GAPVD1: variants seen among roughly 807,000 people sequenced by gnomAD.
GAPVD1 encodes the protein GTPase-activating protein and VPS9 domain-containing protein 1.
GAPVD1 carries 35 observed loss-of-function variants against 155.5 expected under a neutral mutation model. That is an observed-to-expected ratio of 0.23 (90% CI 0.17 to 0.30). The LOEUF (loss-of-function observed/expected upper bound fraction) is 0.30, where lower values mean the gene tolerates loss of function less well. GAPVD1 is among the 10% of genes least tolerant of loss of function. The pLI is 1.00. For missense variants in GAPVD1, 1,429 were observed against 1,775.7 expected (o/e 0.80, Z 3.51); for synonymous variants, 636 against 619.7 (o/e 1.03, Z -0.39).
At chr9:125,293,852 TTA>T (rs1161661604) in intron 2 of GAPVD1, among the ~76,000 whole-genome samples, 628 of 34,778 alleles carry the variant, frequency 0.018, 1 homozygote, top group Non-Finnish European at 0.021. Context: ...AAAATATATT[TTA>T]TATATATATA....
rs542570313 is a variant in GAPVD1, at chr9:125,263,527, T to G, written c.-199+1568T>G. On this transcript the variant is annotated intron_variant, in intron 1 of 27. Transcript: ENST00000297933. ...TTATAAGTCTACTTAGAAGAACTGT[T>G]GTTTTTTTTTTTTTGGTTGTAAGTT... The G allele has an allele frequency of 3.0e-5, 25 of 840,472 alleles. No homozygotes were observed. The African/African-American group carries it at 3.4e-4, about 12-fold the overall frequency. 52.1% of individuals were successfully genotyped at this position (840,472 alleles called of 1,614,324 possible).
rs1286036822 is a variant in GAPVD1, at chr9:125,362,734, T to C, written c.4371T>C (p.Asp1457=). The change falls in exon 28 of 28, where the codon GAT becomes GAC. Residue 1457 remains aspartate, a synonymous_variant. Transcript: ENST00000297933. ...TAAVEFIKTI[D]DRK is the part of the protein sequence containing the mutation. ...CAGTAGAATTCATTAAAACCATCGATGACCGAAAGTGACCAAGACCAAGGC... is the reference window on the plus strand; with the variant it reads ...CAGTAGAATTCATTAAAACCATCGACGACCGAAAGTGACCAAGACCAAGGC... 2 of 1,613,434 alleles carry C rather than the reference T, an allele frequency of 1.2e-6. No homozygotes were observed. The highest frequency in any genetic ancestry group is 2.2e-5 in the South Asian group (2 of 90,946).
intron 1 of GAPVD1, chr9:125,263,528 G>GTT (rs74902151): frequency 1.1e-3 from 788 of 691,332 alleles, no homozygotes; most frequent in Non-Finnish European, 1.2e-3. Flanking sequence ...AAGAACTGTT[G>GTT]TTTTTTTTTT....
intron 1 of GAPVD1, among the ~76,000 whole-genome samples, chr9:125,267,661 G>A (rs545061311): frequency 6.6e-6 from 1 of 152,000 alleles, no homozygotes; most frequent in South Asian, 2.1e-4. Flanking sequence ...TGCCCGCTTC[G>A]GCCTCCCAAA....
At chr9:125,311,308 G>T (rs775198087) in intron 8 of GAPVD1, among the ~76,000 whole-genome samples, 3 of 151,984 alleles carry the variant, frequency 2.0e-5, no homozygotes, top group Non-Finnish European at 4.4e-5. Flanking sequence ...ATGCATTTCA[G>T]GGGGGGAAGG....
intron 9 of GAPVD1, among the ~76,000 whole-genome samples, chr9:125,314,702 CAAG>C (rs1405659051): frequency 4.0e-5 from 6 of 151,488 alleles, no homozygotes; most frequent in Non-Finnish European, 5.9e-5. Context: ...AACAAAAAGA[CAAG>C]AAGAAGAAAT....
At chr9:125,357,986 AAC>A (rs200675642) in intron 25 of GAPVD1, among the ~76,000 whole-genome samples, 15 of 150,520 alleles carry the variant, frequency 1.0e-4, no homozygotes, top group South Asian at 6.3e-4. Context: ...AAAAAAAAAA[AAC>A]ACACACACAC....
At chr9:125,288,940 A>C (rs1838155637) in intron 2 of GAPVD1, among the ~76,000 whole-genome samples, 1 of 152,238 alleles carries the variant, frequency 6.6e-6, no homozygotes, top group Non-Finnish European at 1.5e-5. Flanking sequence ...AACTCACTGA[A>C]GAACATGATA....
At chr9:125,307,905 G>A (rs1364191537) in intron 8 of GAPVD1, 25 bp downstream of exon 8, 1 of 1,449,726 alleles carries the variant, frequency 6.9e-7, no homozygotes, top group Admixed American at 1.7e-5. Flanking sequence ...TCGTATTGGA[G>A]CTTTCTCTTA....
chr9:125,346,679 G>T (rs1395910000), intron 19 of GAPVD1, 140 bp from the exon 20 acceptor site: 7 of 742,660 alleles, frequency 9.4e-6, no homozygotes, highest in African/African-American at 1.7e-5. Flanking sequence ...GCTGCATGGT[G>T]CCTCTTAACA....
At chr9:125,333,307 C>T (rs943099953) in intron 15 of GAPVD1, among the ~76,000 whole-genome samples, 9 of 151,762 alleles carry the variant, frequency 5.9e-5, no homozygotes, top group Non-Finnish European at 1.2e-4. Flanking sequence ...GTCTCGAACT[C>T]CTGACCTCGT....
intron 6 of GAPVD1, among the ~76,000 whole-genome samples, 192 bp from the exon 7 acceptor site, chr9:125,307,221 A>G (rs974870120): frequency 2.6e-5 from 4 of 151,018 alleles, no homozygotes; most frequent in Non-Finnish European, 5.9e-5. Context: ...GTGAGCTGAG[A>G]TGGTGCTATT....
chr9:125,350,173 ATCT>A lies in GAPVD1; in HGVS notation c.3300-117_3300-115del, dbSNP rs376005728. On this transcript the variant is annotated intron_variant, in intron 21 of 27. Transcript: ENST00000297933. Reference sequence around the variant, plus strand: ...TTAAGTGGAGTGTCAGTTAAGAATCATCTTCTTTAAAATGTTTGAAACATTTGA... The same window carrying A: ...TTAAGTGGAGTGTCAGTTAAGAATCATCTTTAAAATGTTTGAAACATTTGA... 225 of 644,492 alleles carry A rather than the reference ATCT, an allele frequency of 3.5e-4. 2 individuals carry two copies. In the East Asian group the frequency reaches 5.3e-3, roughly 15 times the overall value. 39.9% of individuals were successfully genotyped at this position (644,492 alleles called of 1,614,324 possible).
At chr9:125,296,358 G>GTTTTTTTTTTGT (rs1554758519) in intron 3 of GAPVD1, among the ~76,000 whole-genome samples, 11 of 121,742 alleles carry the variant, frequency 9.0e-5, no homozygotes, top group African/African-American at 1.8e-4. Context: ...TAGTTCTTAG[G>GTTTTTTTTTTGT]TTTTTTTTTT....
At chr9:125,266,468 C>T (rs1203464806) in intron 1 of GAPVD1, among the ~76,000 whole-genome samples, 2 of 152,104 alleles carry the variant, frequency 1.3e-5, no homozygotes, top group East Asian at 3.9e-4. Flanking sequence ...CGCCCGCCAC[C>T]ATGCCCAGCT....
intron 24 of GAPVD1, 34 bp from the exon 25 acceptor site, chr9:125,355,610 T>C (rs1334431884): frequency 2.4e-6 from 3 of 1,226,562 alleles, no homozygotes; most frequent in East Asian, 2.5e-5. Flanking sequence ...TAGTTTTTAT[T>C]AAACTATTTA....
intron 17 of GAPVD1, among the ~76,000 whole-genome samples, chr9:125,338,651 G>A (rs549938586): frequency 8.5e-5 from 13 of 152,150 alleles, no homozygotes; most frequent in African/African-American, 2.6e-4. Flanking sequence ...ATTCATCTTT[G>A]GCAGGAATAT....
chr9:125,349,284 T>C (rs1467775157), intron 20 of GAPVD1, 106 bp from the exon 21 acceptor site: 3 of 901,546 alleles, frequency 3.3e-6, no homozygotes, highest in Non-Finnish European at 5.1e-6. Flanking sequence ...GAACTCTTAT[T>C]ATTAGTCAAT....
rs1564412664 is a variant in GAPVD1 at position 125,331,912 on chromosome 9, T to G, written c.2174-14T>G. The G allele has an allele frequency of 6.2e-7, 1 of 1,613,158 alleles. No homozygotes were observed. The highest frequency in any genetic ancestry group is 8.5e-7 in the Non-Finnish European group (1 of 1,179,280). ...AGAATCACAAATGTAACATACCTCT[T>G]ATCTTCTATTTAGAGGCCCCAGACC... On this transcript the variant is annotated splice_polypyrimidine_tract_variant and intron_variant, in intron 13 of 27. Coordinates refer to ENST00000297933, the MANE Select transcript of GAPVD1 (RefSeq NM_001282680.3).
Sources: gnomAD v4.1 joint callset for allele counts (sites outside exome capture counted in the v4.1 genomes callset) on GRCh38, gnomAD v4.1.1 for gene constraint, MANE v1.5 for transcripts, NCBI Gene and HGNC (gene_info 2026-07-23, HGNC 2026-07-21) for gene names.